The following MRPL36 variants were observed in gnomAD, a reference collection of about 807,000 sequenced individuals.
MRPL36 encodes the protein mitochondrial ribosomal protein L36.
In MRPL36, 1 loss-of-function variant was observed where a neutral mutation model predicts 2.8. That is an observed-to-expected ratio of 0.36 (90% CI 0.13 to 1.69). The LOEUF (loss-of-function observed/expected upper bound fraction) is 1.69. Ranked by LOEUF, MRPL36 falls within the 40% of genes most tolerant of loss-of-function variation. The pLI, the probability that MRPL36 is intolerant of heterozygous loss-of-function variation, is 0.35. For missense variants in MRPL36, 148 were observed against 132.7 expected (o/e 1.12, Z -0.57); for synonymous variants, 68 against 54.8 (o/e 1.24, Z -1.06).
rs368235095 is a variant in MRPL36, at chr5:1,798,829, C to T, written c.107G>A (p.Gly36Asp). The T allele has an allele frequency of 1.3e-5, 21 of 1,613,934 alleles. No homozygotes were observed. The African/African-American group carries it at 2.7e-4, about 21-fold the overall frequency. Reference sequence around the variant, plus strand: ...GGGTTCCACAGCCACGGGGGCTGCACCTCGAATGGATCCAAATAGAAATGT... The same window carrying T: ...GGGTTCCACAGCCACGGGGGCTGCATCTCGAATGGATCCAAATAGAAATGT... ...LSTFLFGSIR[G>D]AAPVAVEPGA... The change falls in exon 2 of 2, where the codon GGT becomes GAT. Residue 36 changes from glycine to aspartate, a missense_variant. Coordinates refer to ENST00000505059, the MANE Select transcript of MRPL36 (RefSeq NM_032479.4).
chr5:1,798,506 C>T lies in MRPL36; in HGVS notation c.*118G>A, dbSNP rs553742607. 18 of 915,464 alleles carry T rather than the reference C, an allele frequency of 2.0e-5. No individual in the cohort carries two copies. The East Asian group carries it at 4.4e-4, about 22-fold the overall frequency. 56.7% of individuals were successfully genotyped at this position (915,464 alleles called of 1,614,324 possible). On this transcript the variant is annotated 3_prime_UTR_variant, in exon 2 of 2. Transcript: ENST00000505059. ...GAAACGTGATGGGTAACTTTTAGGG[C>T]GTTTGCTTCCAGTCACTTTCCCCTG...
At position 1,798,900 on chromosome 5, in the gene MRPL36, AG is replaced by A; in HGVS notation, c.35del (p.Pro12LeufsTer10). On this transcript the variant is annotated frameshift_variant, in exon 2 of 2. Transcript: ENST00000505059. LOFTEE classifies it low-confidence loss of function (END_TRUNC). ...CCGTGTGACGACTGAGATAGAGCAGAGGGTTCACCATTTTCCTTATAAAAAG... is the reference window on the plus strand; with the variant it reads ...CCGTGTGACGACTGAGATAGAGCAGAGGTTCACCATTTTCCTTATAAAAAG... ...ANLFIRKMVN[P>X]LLYLSRHTVK... 6.2e-7 allele frequency: 1 copy of A among 1,603,078 alleles called. No homozygotes were observed. The highest frequency in any genetic ancestry group is 8.5e-7 in the Non-Finnish European group (1 of 1,171,142).
upstream of MRPL36, among the ~76,000 whole-genome samples, chr5:1,801,034 A>G (rs180803139): frequency 1.8e-4 from 28 of 152,340 alleles, no homozygotes; most frequent in African/African-American, 6.7e-4. Context: ...TGTCCGCTAA[A>G]TAAGAACCAC....
intron 1 of MRPL36, chr5:1,799,162 T>C: frequency 4.2e-6 from 2 of 481,300 alleles, no homozygotes; most frequent in Non-Finnish European, 7.4e-6. Flanking sequence ...GGTGGCTTCC[T>C]TCCCTTTCCC....
At chr5:1,799,009 C>A (rs534534205) in intron 1 of MRPL36, 62 bp from the exon 2 acceptor site, 11 of 1,339,502 alleles carry the variant, frequency 8.2e-6, no homozygotes, top group Non-Finnish European at 1.1e-5. Flanking sequence ...CTCTTTAAGG[C>A]TTCCTTTTCT....
rs1285320478 is a variant in MRPL36 at position 1,798,473 on chromosome 5, T to C, written c.*151A>G. 26 of 692,248 alleles carry C rather than the reference T, an allele frequency of 3.8e-5. No individual in the cohort carries two copies. Among genetic ancestry groups the C allele is most frequent in the Non-Finnish European group, 5.4e-5 (22 of 410,974 alleles). 42.9% of individuals were successfully genotyped at this position (692,248 alleles called of 1,614,324 possible). A position where few individuals can be genotyped will look rare whatever the true frequency, so the allele number is the denominator to read the frequency against. On this transcript the variant is annotated 3_prime_UTR_variant, in exon 2 of 2. Coordinates refer to ENST00000505059, the MANE Select transcript of MRPL36 (RefSeq NM_032479.4). ...ACGCAATGTCTTCTATAGTTACTCATTTACACTGAAACGTGATGGGTAACT... is the reference window on the plus strand; with the variant it reads ...ACGCAATGTCTTCTATAGTTACTCACTTACACTGAAACGTGATGGGTAACT...
upstream of MRPL36, chr5:1,799,973 C>T (rs1239939432): frequency 2.0e-5 from 3 of 152,224 alleles, no homozygotes; most frequent in African/African-American, 7.2e-5. Flanking sequence ...CACTCCCCGA[C>T]TGCGCGCACT....
chr5:1,798,861 G>C lies in MRPL36; in HGVS notation c.75C>G (p.Ala25=), dbSNP rs1183240657. 1.9e-6 allele frequency: 3 copies of C among 1,613,384 alleles called. No individual in the cohort carries two copies. Among genetic ancestry groups the C allele is most frequent in the Admixed American group, 1.7e-5 (1 of 60,020 alleles). The change falls in exon 2 of 2, where the codon GCC becomes GCG. Residue 25 remains alanine, a synonymous_variant. Coordinates refer to ENST00000505059, the MANE Select transcript of MRPL36 (RefSeq NM_032479.4). The part of the protein sequence containing the change: ...YLSRHTVKPR[A]LSTFLFGSIR... ...TGGATCCAAATAGAAATGTGGAGAG[G>C]GCTCGAGGCTTCACCGTGTGACGAC...
upstream of MRPL36, chr5:1,801,360 T>C: frequency 6.3e-7 from 1 of 1,578,200 alleles, no homozygotes; most frequent in South Asian, 1.1e-5. Flanking sequence ...CCAGAAGCCG[T>C]GCGCATGCGT....
chr5:1,801,370 T>G, upstream of MRPL36: 1 of 1,595,726 alleles, frequency 6.3e-7, no homozygotes. Flanking sequence ...TGCGCATGCG[T>G]TAGCGCTAAG....
upstream of MRPL36, chr5:1,801,270 A>AG: frequency 8.2e-7 from 1 of 1,214,498 alleles, no homozygotes; most frequent in Non-Finnish European, 1.1e-6. Context: ...CCTGAATCAG[A>AG]GAGCAGCTCC....
intron 1 of MRPL36, chr5:1,799,283 G>A (rs776128936): frequency 4.2e-5 from 8 of 189,638 alleles, no homozygotes; most frequent in African/African-American, 9.4e-5. Context: ...ACAGACACCA[G>A]GTCAAGGACG....
rs530341830 is a variant in MRPL36, at chr5:1,798,772, C to G, written c.164G>C (p.Gly55Ala). 2 of 1,614,032 alleles carry G rather than the reference C, an allele frequency of 1.2e-6. No homozygotes were observed. Among genetic ancestry groups the G allele is most frequent in the Non-Finnish European group, 1.7e-6 (2 of 1,179,984 alleles). The change falls in exon 2 of 2, where the codon GGC becomes GCC. Residue 55 changes from glycine to alanine, a missense_variant. Physicochemically the swap from Gly to Ala is moderately conservative, Grantham distance 60. Transcript: ENST00000505059. ...CGCAGGCAGCAGATGGGGCAGGAGG[C>G]CGGGTGAGAGAAGTGAGCGCACTGC... is the stretch of plus-strand genomic sequence containing the variant. ...GAAVRSLLSPGLLPHLLPALG... is the reference protein window; with the variant it reads ...GAAVRSLLSPALLPHLLPALG...
chr5:1,800,849 G>A (rs533138246), upstream of MRPL36, among the ~76,000 whole-genome samples: 93 of 152,284 alleles, frequency 6.1e-4, no homozygotes, highest in Admixed American at 2.6e-3. Context: ...TTCCTCTGCG[G>A]CTCCCCGTAA....
rs767228185 is a variant in MRPL36, at chr5:1,798,860, G to C, written c.76C>G (p.Leu26Val). 85 of 1,613,514 alleles carry C rather than the reference G, an allele frequency of 5.3e-5. No individual in the cohort carries two copies. The highest frequency in any genetic ancestry group is 6.6e-5 in the Non-Finnish European group (78 of 1,179,636). The change falls in exon 2 of 2, where the codon CTC becomes GTC. Residue 26 changes from leucine (L) to valine (V), a missense_variant. Coordinates refer to ENST00000505059, the MANE Select transcript of MRPL36 (RefSeq NM_032479.4). Reference protein sequence around the residue: ...LSRHTVKPRALSTFLFGSIRG... With the variant: ...LSRHTVKPRAVSTFLFGSIRG... ...ATGGATCCAAATAGAAATGTGGAGA[G>C]GGCTCGAGGCTTCACCGTGTGACGA...
In MRPL36 at chr5:1,798,463, T is replaced by C. The variant is rs577160086; in HGVS notation, c.*161A>G. On this transcript the variant is annotated 3_prime_UTR_variant, in exon 2 of 2. Coordinates refer to ENST00000505059, the MANE Select transcript of MRPL36 (RefSeq NM_032479.4). Reference sequence around the variant, plus strand: ...AAATAAGATAACGCAATGTCTTCTATAGTTACTCATTTACACTGAAACGTG... The same window carrying C: ...AAATAAGATAACGCAATGTCTTCTACAGTTACTCATTTACACTGAAACGTG... 1.8e-3 allele frequency: 1,175 copies of C among 655,734 alleles called. 27 individuals are homozygous for C. The South Asian group carries it at 0.023, about 13-fold the overall frequency. The allele number at this position is 655,734 out of a possible 1,614,324, so 40.6% of individuals were successfully genotyped here.
upstream of MRPL36, among the ~76,000 whole-genome samples, chr5:1,800,912 C>T (rs1192861942): frequency 6.6e-6 from 1 of 152,250 alleles, no homozygotes; most frequent in Non-Finnish European, 1.5e-5. Context: ...CCAGTCTCGT[C>T]TGCTAAGCAG....
Position 1,798,625 on chromosome 5 carries a change from T to G in MRPL36, c.311A>C (p.Ter104SerextTer35), listed in dbSNP as rs143983305. ...THPRHKQRQM[*>S] ...TGCGTGACTCTGGAGGGAAAGGGTC[T>G]ACATCTGTCTCTGCTTGTGCCTCGG... is the stretch of plus-strand genomic sequence containing the variant. Residue 104 changes from the stop codon to serine, a stop_lost, in exon 2 of 2, where the codon TAG (stop) becomes TCG (serine). Transcript: ENST00000505059. 1 of 1,606,442 alleles carries G rather than the reference T, an allele frequency of 6.2e-7. No individual in the cohort carries two copies. The highest frequency in any genetic ancestry group is 1.7e-5 in the Admixed American group (1 of 59,902).
chr5:1,799,961 A>G (rs1173492940), upstream of MRPL36: 1 of 151,746 alleles, frequency 6.6e-6, no homozygotes, highest in Non-Finnish European at 1.5e-5. Context: ...AGTGCGACGT[A>G]TCACTCCCCG....
Sources: allele counts gnomAD v4.1 joint callset (sites outside exome capture counted in the v4.1 genomes callset), GRCh38; gene constraint gnomAD v4.1.1; transcripts MANE v1.5; gene names NCBI Gene and HGNC (gene_info 2026-07-23, HGNC 2026-07-21).